The following NGDN variants were observed in gnomAD, a reference collection of about 807,000 sequenced individuals.
NGDN encodes the protein neuroguidin.
In NGDN, 41 loss-of-function variants were observed where a neutral mutation model predicts 45.2. The ratio of observed to expected loss-of-function variants is 0.91; its 90% CI spans 0.71 to 1.18. The LOEUF is 1.18. Ranked by LOEUF, NGDN falls within the 50% of genes most tolerant of loss-of-function variation. The probability of loss-of-function intolerance (pLI) is 0.00; values close to 1 mark genes in which losing one functional copy is unlikely to be tolerated. For synonymous variants in NGDN, 137 were observed against 130.9 expected (o/e 1.05, Z -0.32); for missense variants, 402 against 399.9 (o/e 1.01, Z -0.05).
At chr14:23,473,191 GT>G (rs1893823448) in intron 3 of NGDN, among the ~76,000 whole-genome samples, 1 of 152,116 alleles carries the variant, frequency 6.6e-6, no homozygotes, top group African/African-American at 2.4e-5. Context: ...TAAAGACGAG[GT>G]TTTACCATGT....
intron 10 of NGDN, chr14:23,477,785 G>A: frequency 1.4e-6 from 2 of 1,456,064 alleles, no homozygotes; most frequent in Non-Finnish European, 1.8e-6. Flanking sequence ...CACAGCTCCT[G>A]TTCAGGCTTC....
intron 2 of NGDN, among the ~76,000 whole-genome samples, 157 bp from the exon 3 acceptor site, chr14:23,470,749 A>G (rs975461422): frequency 6.6e-6 from 1 of 151,696 alleles, no homozygotes; most frequent in African/African-American, 2.4e-5. Context: ...TTGAAGAACC[A>G]TCTCTCCTAT....
intron 10 of NGDN, 138 bp downstream of exon 10, chr14:23,477,698 C>G: frequency 1.4e-6 from 2 of 1,479,992 alleles, no homozygotes; most frequent in South Asian, 1.4e-5. Context: ...CTTAGGTGGG[C>G]TTTTATTTTT....
At chr14:23,477,070 T>C (rs920378336) in intron 8 of NGDN, 130 bp from the exon 9 acceptor site, 19 of 756,110 alleles carry the variant, frequency 2.5e-5, no homozygotes, top group Non-Finnish European at 2.8e-5. Flanking sequence ...CTAAATACTA[T>C]GTTGATCTGC....
In NGDN at chr14:23,476,062, G is replaced by C. The variant is rs1893894583; in HGVS notation, c.454G>C (p.Glu152Gln). The C allele has an allele frequency of 6.2e-7, 1 of 1,614,180 alleles. No homozygotes were observed. Among genetic ancestry groups the C allele is most frequent in the African/African-American group, 1.3e-5 (1 of 75,058 alleles). Residue 152 changes from glutamate (E) to glutamine (Q), a missense_variant, in exon 7 of 11, where the codon GAA becomes CAA. Glu to Gln is a conservative substitution (Grantham distance 29, BLOSUM62 2). Transcript: ENST00000408901. ...TGAGGATGAGGAGGAAGATGAAGCA[G>C]AAGATGACCAGTCTGAGGCTTCAGG... ...SSEDEEEDEA[E>Q]DDQSEASGKK...
At chr14:23,469,794 A>G (rs1595103956) in intron 1 of NGDN, 67 bp downstream of exon 1, 1 of 1,596,366 alleles carries the variant, frequency 6.3e-7, no homozygotes, top group Non-Finnish European at 8.6e-7. Context: ...CAGCGGCTGG[A>G]GGCAAACTGT....
chr14:23,476,013 A>T lies in NGDN; in HGVS notation c.421-16A>T. The T allele has an allele frequency of 6.2e-7, 1 of 1,613,986 alleles. No individual in the cohort carries two copies. The highest frequency in any genetic ancestry group is 8.5e-7 in the Non-Finnish European group (1 of 1,179,978). ...ATGAATGCTTCCTAAATTTGCAGAC[A>T]TTGTTTCTTTTGTAGTTGAGCTCTG... On this transcript the variant is annotated splice_polypyrimidine_tract_variant and intron_variant, in intron 6 of 10. Coordinates refer to ENST00000408901, the MANE Select transcript of NGDN (RefSeq NM_001042635.2).
rs202002407 is a variant in NGDN, at chr14:23,477,627, AT to A, written c.928+70del. The A allele has an allele frequency of 2.8e-3, 4,563 of 1,604,526 alleles. 135 individuals are homozygous for A. The African/African-American group carries it at 0.055, about 19-fold the overall frequency. The stretch of plus-strand genomic sequence containing the variant: ...GGGAGTACAAATTGAGTCTCTTTGG[AT>A]TTGCCATTCTGGGTCTCACCAAGCC... On this transcript the variant is annotated intron_variant, in intron 10 of 10. Coordinates refer to ENST00000408901, the MANE Select transcript of NGDN (RefSeq NM_001042635.2).
In NGDN at chr14:23,476,016, GT is replaced by G. The variant is rs1893893258; in HGVS notation, c.421-10del. The G allele has an allele frequency of 9.3e-6, 15 of 1,614,054 alleles. No homozygotes were observed. Among genetic ancestry groups the G allele is most frequent in the Non-Finnish European group, 1.3e-5 (15 of 1,180,008 alleles). Reference sequence around the variant, plus strand: ...AATGCTTCCTAAATTTGCAGACATTGTTTCTTTTGTAGTTGAGCTCTGAGGA... The same window carrying G: ...AATGCTTCCTAAATTTGCAGACATTGTTCTTTTGTAGTTGAGCTCTGAGGA... On this transcript the variant is annotated splice_polypyrimidine_tract_variant and intron_variant, in intron 6 of 10. Coordinates refer to ENST00000408901, the MANE Select transcript of NGDN (RefSeq NM_001042635.2).
chr14:23,470,744 G>C (rs1385287566), intron 2 of NGDN, among the ~76,000 whole-genome samples, 162 bp from the exon 3 acceptor site: 1 of 151,260 alleles, frequency 6.6e-6, no homozygotes. Context: ...ACTTTTTGAA[G>C]AACCATCTCT....
At chr14:23,469,754 C>A (rs755265516) in intron 1 of NGDN, 27 bp downstream of exon 1, 2 of 1,613,980 alleles carry the variant, frequency 1.2e-6, no homozygotes, top group Admixed American at 1.7e-5. Context: ...TTCTTCCTCG[C>A]GTAGCTATTG....
Position 23,477,535 on chromosome 14 carries a change from A to G in NGDN, c.903A>G (p.Ile301Met), listed in dbSNP as rs754037511. ...ATCCTATTAAGAAGCGGAAGAAGAT[A>G]CCTCAGAAAGGTCGGAAGAAAAAAG... ...DQNPIKKRKK[I>M]PQKGRKKKGF... Residue 301 changes from isoleucine to methionine, a missense_variant, in exon 10 of 11, where the codon ATA becomes ATG. By Grantham distance (10) the Ile-to-Met change is conservative (BLOSUM62 1). Transcript: ENST00000408901. The G allele has an allele frequency of 6.2e-7, 1 of 1,614,134 alleles. No homozygotes were observed. Among genetic ancestry groups the G allele is most frequent in the Non-Finnish European group, 8.5e-7 (1 of 1,180,020 alleles).
At chr14:23,474,372 A>G (rs941494521) in intron 3 of NGDN, among the ~76,000 whole-genome samples, 26 of 152,386 alleles carry the variant, frequency 1.7e-4, no homozygotes, top group African/African-American at 6.3e-4. Context: ...ATGAAAAATC[A>G]GTATAATCAC....
At position 23,476,025 on chromosome 14, in the gene NGDN, G is replaced by A; in HGVS notation, c.421-4G>A. The A allele has an allele frequency of 3.7e-6, 6 of 1,613,992 alleles. No individual in the cohort carries two copies. In the East Asian group the frequency reaches 8.9e-5, roughly 24 times the overall value. On this transcript the variant is annotated splice_region_variant and splice_polypyrimidine_tract_variant and intron_variant, in intron 6 of 10. Transcript: ENST00000408901. Reference sequence around the variant, plus strand: ...TAAATTTGCAGACATTGTTTCTTTTGTAGTTGAGCTCTGAGGATGAGGAGG... The same window carrying A: ...TAAATTTGCAGACATTGTTTCTTTTATAGTTGAGCTCTGAGGATGAGGAGG...
At chr14:23,470,596 T>C (rs777925574) in intron 2 of NGDN, among the ~76,000 whole-genome samples, 3 of 152,258 alleles carry the variant, frequency 2.0e-5, no homozygotes, top group Non-Finnish European at 2.9e-5. Context: ...AGTTATGTAG[T>C]TCTATGCATT....
Position 23,475,759 on chromosome 14 carries a change from C to G in NGDN, c.401C>G (p.Pro134Arg). The G allele has an allele frequency of 6.2e-7, 1 of 1,613,166 alleles. No individual in the cohort carries two copies. Among genetic ancestry groups the G allele is most frequent in the African/African-American group, 1.3e-5 (1 of 74,974 alleles). ...ENDPLRFKPH[P>R]SNMMSKLSSE... ...GACCCACTTCGTTTTAAGCCTCATC[C>G]CAGCAATATGATGAGCAAGGTAAGG... The change falls in exon 6 of 11, where the codon CCC becomes CGC. Residue 134 changes from proline (P) to arginine (R), a missense_variant. Physicochemically the swap from Pro to Arg is moderately radical, Grantham distance 103. Coordinates refer to ENST00000408901, the MANE Select transcript of NGDN (RefSeq NM_001042635.2).
Position 23,475,380 on chromosome 14 carries a change from C to G in NGDN, c.282+72C>G, listed in dbSNP as rs963790295. The G allele has an allele frequency of 4.1e-6, 6 of 1,466,572 alleles. No homozygotes were observed. In the African/African-American group the frequency reaches 4.2e-5, roughly 10 times the overall value. The allele number at this position is 1,466,572 out of a possible 1,614,324, so 90.8% of individuals were successfully genotyped here. ...GCTCCAAGGGTATCACACAGTAGCT[C>G]TCATTTAAGTGAGTCTTCTCATGTT... On this transcript the variant is annotated intron_variant, in intron 4 of 10. Transcript: ENST00000408901.
At chr14:23,471,033 T>A (rs563199600) in intron 3 of NGDN, 56 bp downstream of exon 3, 88 of 1,188,704 alleles carry the variant, frequency 7.4e-5, no homozygotes, top group Non-Finnish European at 1.0e-4. Flanking sequence ...AGTAGTTCTT[T>A]CATTGTATGT....
intron 2 of NGDN, among the ~76,000 whole-genome samples, chr14:23,470,605 T>C (rs1281902122): frequency 6.6e-6 from 1 of 152,230 alleles, no homozygotes; most frequent in South Asian, 2.1e-4. Context: ...GTTCTATGCA[T>C]TGTAAGTTCA....
Sources: allele counts gnomAD v4.1 joint callset (sites outside exome capture counted in the v4.1 genomes callset), GRCh38; gene constraint gnomAD v4.1.1; transcripts MANE v1.5; gene names NCBI Gene and HGNC (gene_info 2026-07-23, HGNC 2026-07-21).